The following METAP1D variants were observed in gnomAD, a reference collection of about 807,000 sequenced individuals.
The protein encoded by METAP1D is methionine aminopeptidase 1D, mitochondrial.
METAP1D carries 31 observed loss-of-function variants against 40.5 expected under a neutral mutation model. The observed-to-expected ratio is 0.77, with a 90% confidence interval of 0.58 to 1.03. METAP1D has a LOEUF of 1.03. Among genes scored for constraint, METAP1D ranks in the 50% least tolerant of loss-of-function variants. The pLI is 0.00. For missense variants in METAP1D, 411 were observed against 420.7 expected (o/e 0.98, Z 0.20); for synonymous variants, 151 against 146.4 (o/e 1.03, Z -0.22).
intron 1 of METAP1D, among the ~76,000 whole-genome samples, chr2:172,025,694 G>C (rs940955277): frequency 6.6e-6 from 1 of 152,010 alleles, no homozygotes; most frequent in Non-Finnish European, 1.5e-5. Flanking sequence ...AGAGATAGAA[G>C]CATCACCCAA....
At chr2:172,033,184 G>A (rs982425673) in intron 1 of METAP1D, among the ~76,000 whole-genome samples, 2 of 151,746 alleles carry the variant, frequency 1.3e-5, no homozygotes, top group Non-Finnish European at 2.9e-5. Context: ...ACACCACCAA[G>A]ATACAACTGG....
At position 172,061,561 on chromosome 2, in the gene METAP1D, A is replaced by C; in HGVS notation, c.104A>C (p.Gln35Pro). 6.2e-7 allele frequency: 1 copy of C among 1,613,856 alleles called. No individual in the cohort carries two copies. Among genetic ancestry groups the C allele is most frequent in the Non-Finnish European group, 8.5e-7 (1 of 1,179,876 alleles). ...HIYLHKQSSS[Q>P]QRRNFFFRRQ... ...TACTTACACAAGCAGTCAAGCAGTC[A>C]ACAAAGAAGAAATTTCTTTTTTCGG... The change falls in exon 2 of 10, where the codon CAA becomes CCA. Residue 35 changes from glutamine (Q) to proline (P), a missense_variant. By Grantham distance (76) the Gln-to-Pro change is moderately conservative. Coordinates refer to ENST00000315796, the MANE Select transcript of METAP1D (RefSeq NM_199227.3).
intron 3 of METAP1D, 56 bp downstream of exon 3, chr2:172,063,916 T>C: frequency 6.7e-7 from 1 of 1,484,762 alleles, no homozygotes; most frequent in Non-Finnish European, 8.9e-7. Flanking sequence ...AACACTCCTC[T>C]TTTTTTCCTT....
intron 1 of METAP1D, among the ~76,000 whole-genome samples, chr2:172,024,188 G>A (rs1689068826): frequency 6.6e-6 from 1 of 151,954 alleles, no homozygotes. Context: ...GCTTTTTTGT[G>A]TGTTTGACAT....
intron 1 of METAP1D, among the ~76,000 whole-genome samples, chr2:172,016,103 A>C (rs1164886908): frequency 2.0e-5 from 3 of 147,330 alleles, no homozygotes; most frequent in Non-Finnish European, 4.5e-5. Context: ...TCAAAAAAAA[A>C]AAAACAAAAA....
At chr2:172,035,397 C>T (rs1689354255) in intron 1 of METAP1D, among the ~76,000 whole-genome samples, 1 of 152,138 alleles carries the variant, frequency 6.6e-6, no homozygotes, top group Admixed American at 6.5e-5. Context: ...ATCTCCTGAC[C>T]TCGTGATCCT....
chr2:172,015,612 A>G (rs1174630330), intron 1 of METAP1D, among the ~76,000 whole-genome samples: 1 of 152,000 alleles, frequency 6.6e-6, no homozygotes, highest in Non-Finnish European at 1.5e-5. Context: ...TGCCTATTAA[A>G]CTATTATACT....
Position 172,071,066 on chromosome 2 carries a change from A to G in METAP1D, c.700A>G (p.Ile234Val), listed in dbSNP as rs145220501. The stretch of plus-strand genomic sequence containing the variant: ...TCCCTTCTCTGTAATTGGAAACACA[A>G]TCAGGTAAGCCTTACATTGACAAGT... ...GAPFSVIGNTISHITHQNGFQ... is the reference protein window; with the variant it reads ...GAPFSVIGNTVSHITHQNGFQ... Residue 234 changes from isoleucine (I) to valine (V), a missense_variant, in exon 6 of 10, where the codon ATC becomes GTC. By Grantham distance (29) the Ile-to-Val change is conservative. Coordinates refer to ENST00000315796, the MANE Select transcript of METAP1D (RefSeq NM_199227.3). 3.5e-5 allele frequency: 57 copies of G among 1,608,834 alleles called. No individual in the cohort carries two copies. Among genetic ancestry groups the G allele is most frequent in the Non-Finnish European group, 4.8e-5 (56 of 1,177,184 alleles).
chr2:172,058,976 C>T (rs1289802526), intron 1 of METAP1D, among the ~76,000 whole-genome samples: 9 of 152,200 alleles, frequency 5.9e-5, no homozygotes, highest in Non-Finnish European at 5.9e-5. Context: ...GGCCAGTTCT[C>T]AAGCTTCGTG....
At position 172,047,401 on chromosome 2, in the gene METAP1D, T is replaced by C. The variant is rs185579413; in HGVS notation, c.41-14097T>C. Among the ~76,000 whole-genome samples the C allele has an allele frequency of 1.2e-4, 18 of 152,278 alleles. No individual in the cohort carries two copies. The East Asian group carries it at 3.3e-3, about 28-fold the overall frequency. ...GTTTATGGCTAAGCACAGCATTGAC[T>C]GAATGGTATTTAGTAACAGAATAAA... On this transcript the variant is annotated intron_variant, in intron 1 of 9. Coordinates refer to ENST00000315796, the MANE Select transcript of METAP1D (RefSeq NM_199227.3).
intron 1 of METAP1D, among the ~76,000 whole-genome samples, chr2:172,028,147 T>TCCCC (rs1448967966): frequency 2.7e-5 from 4 of 149,590 alleles, no homozygotes; most frequent in African/African-American, 9.7e-5. Context: ...GCTAAGAGGG[T>TCCCC]GCCAGTAACT....
intron 1 of METAP1D, among the ~76,000 whole-genome samples, chr2:172,052,057 T>C (rs1432482735): frequency 6.6e-6 from 1 of 152,230 alleles, no homozygotes; most frequent in Non-Finnish European, 1.5e-5. Flanking sequence ...AGAATATTTA[T>C]TTCAGACAAG....
intron 1 of METAP1D, among the ~76,000 whole-genome samples, chr2:172,056,311 C>T (rs1328462734): frequency 1.3e-5 from 2 of 152,186 alleles, no homozygotes; most frequent in African/African-American, 2.4e-5. Context: ...TACTCAGCAC[C>T]GAGCTTGGCA....
chr2:172,022,137 C>G (rs942806767), intron 1 of METAP1D, among the ~76,000 whole-genome samples: 2 of 152,108 alleles, frequency 1.3e-5, no homozygotes, highest in Non-Finnish European at 2.9e-5. Flanking sequence ...GGATCCAGGC[C>G]CAGATGAACT....
At chr2:172,009,939 G>A (rs1354228722) in intron 1 of METAP1D, among the ~76,000 whole-genome samples, 1 of 152,140 alleles carries the variant, frequency 6.6e-6, no homozygotes, top group African/African-American at 2.4e-5. Flanking sequence ...GGGCATCAAA[G>A]CAGAAAAGGA....
intron 1 of METAP1D, among the ~76,000 whole-genome samples, chr2:172,059,111 CTTTT>C (rs58889810): frequency 6.9e-6 from 1 of 143,906 alleles, no homozygotes; most frequent in South Asian, 2.2e-4. Flanking sequence ...TTCTTTCTTT[CTTTT>C]TTTTTTTTTC....
chr2:172,046,692 G>C (rs1689771199), intron 1 of METAP1D, among the ~76,000 whole-genome samples: 1 of 152,192 alleles, frequency 6.6e-6, no homozygotes, highest in South Asian at 2.1e-4. Context: ...GAGTTTTTCA[G>C]TTAATCAGTG....
rs755087679 is a variant in METAP1D, at chr2:172,070,963, G to A, written c.597G>A (p.Val199=). ...CTGAAACATTTTTGGTGGGCAATGT[G>A]GACGAATGTGGTAAAAAGTTAGTGG... ...DTSETFLVGN[V]DECGKKLVEV... Residue 199 remains valine (V), a synonymous_variant, in exon 6 of 10, where the codon GTG becomes GTA. Coordinates refer to ENST00000315796, the MANE Select transcript of METAP1D (RefSeq NM_199227.3). The A allele has an allele frequency of 6.2e-7, 1 of 1,613,108 alleles. No individual in the cohort carries two copies. Among genetic ancestry groups the A allele is most frequent in the Non-Finnish European group, 8.5e-7 (1 of 1,179,298 alleles).
chr2:172,077,776 A>G, intron 6 of METAP1D, 21 bp from the exon 7 acceptor site: 1 of 1,287,872 alleles, frequency 7.8e-7, no homozygotes, highest in East Asian at 2.4e-5. Context: ...TTAATTAAAT[A>G]TTTTTTGGTC....
Sources: allele counts gnomAD v4.1 joint callset (sites outside exome capture counted in the v4.1 genomes callset), GRCh38; gene constraint gnomAD v4.1.1; transcripts MANE v1.5; gene names NCBI Gene and HGNC (gene_info 2026-07-23, HGNC 2026-07-21).